Variants in TRIM44 observed in about 807,000 individuals in gnomAD.
TRIM44 encodes tripartite motif-containing protein 44.
TRIM44 carries 13 observed loss-of-function variants against 37.4 expected under a neutral mutation model. The ratio of observed to expected loss-of-function variants is 0.35; its 90% CI spans 0.23 to 0.55. TRIM44 has a LOEUF of 0.55. TRIM44 is among the 20% of genes least tolerant of loss of function. The pLI is 0.89. For missense variants in TRIM44, 426 were observed against 437.2 expected (o/e 0.97, Z 0.23); for synonymous variants, 175 against 157.2 (o/e 1.11, Z -0.85).
At position 35,730,248 on chromosome 11, in the gene TRIM44, G is replaced by A. The variant is rs142536453; in HGVS notation, c.987+4085G>A. Reference sequence around the variant, plus strand: ...CACTGGATGGGCTTAATGGCAAACCGAAAGAAAGATTTGGTGAATTTGAAG... The same window carrying A: ...CACTGGATGGGCTTAATGGCAAACCAAAAGAAAGATTTGGTGAATTTGAAG... On this transcript the variant is annotated intron_variant, in intron 3 of 4. Coordinates refer to ENST00000299413, the MANE Select transcript of TRIM44 (RefSeq NM_017583.6). 1.9e-3 allele frequency among the ~76,000 whole-genome samples: 286 copies of A among 152,204 alleles called. 2 individuals carry two copies. Among genetic ancestry groups the A allele is most frequent in the African/African-American group, 6.5e-3 (268 of 41,536 alleles).
At position 35,735,528 on chromosome 11, in the gene TRIM44, A is replaced by G. The variant is rs1180143203; in HGVS notation, c.1007+83A>G. The stretch of plus-strand genomic sequence containing the variant: ...CCTTTTAGTGCTCCATGAAATATAG[A>G]CAGCCAAGGAACAGCACAGAAAAGG... On this transcript the variant is annotated intron_variant, in intron 4 of 4. Coordinates refer to ENST00000299413, the MANE Select transcript of TRIM44 (RefSeq NM_017583.6). 13 of 1,377,748 alleles carry G rather than the reference A, an allele frequency of 9.4e-6. No individual in the cohort carries two copies. In the East Asian group the frequency reaches 1.1e-4, roughly 12 times the overall value. 85.3% of individuals were successfully genotyped at this position (1,377,748 alleles called of 1,614,324 possible).
intron 3 of TRIM44, among the ~76,000 whole-genome samples, chr11:35,734,074 T>C (rs1247241808): frequency 1.3e-5 from 2 of 152,350 alleles, no homozygotes; most frequent in Non-Finnish European, 2.9e-5. Context: ...TCTTTGATAT[T>C]GATCATAACA....
At chr11:35,790,675 G>A (rs1304684061) in intron 4 of TRIM44, among the ~76,000 whole-genome samples, 3 of 152,164 alleles carry the variant, frequency 2.0e-5, no homozygotes, top group Non-Finnish European at 4.4e-5. Flanking sequence ...AATTGATGTG[G>A]TGTTCATCTC....
chr11:35,751,225 C>A (rs980561060), intron 4 of TRIM44, among the ~76,000 whole-genome samples: 1 of 152,130 alleles, frequency 6.6e-6, no homozygotes, highest in Non-Finnish European at 1.5e-5. Flanking sequence ...TAAAGTGGGC[C>A]AATCCTTCTA....
At chr11:35,663,929 T>C in intron 1 of TRIM44, 149 bp downstream of exon 1, 1 of 905,540 alleles carries the variant, frequency 1.1e-6, no homozygotes, top group South Asian at 1.8e-5. Flanking sequence ...ATTCACCGTT[T>C]TTGGTTGAAC....
chr11:35,797,165 A>G (rs141073131), intron 4 of TRIM44, among the ~76,000 whole-genome samples: 2 of 152,336 alleles, frequency 1.3e-5, no homozygotes, highest in African/African-American at 4.8e-5. Flanking sequence ...ACCGTTATTG[A>G]TGGGGATATG....
intron 4 of TRIM44, among the ~76,000 whole-genome samples, chr11:35,790,905 G>A (rs1853201034): frequency 6.6e-6 from 1 of 152,200 alleles, no homozygotes; most frequent in Non-Finnish European, 1.5e-5. Context: ...AAGGAACAAG[G>A]CAGTAGGAGA....
At chr11:35,797,491 C>T (rs980989189) in intron 4 of TRIM44, among the ~76,000 whole-genome samples, 14 of 152,156 alleles carry the variant, frequency 9.2e-5, no homozygotes, top group Admixed American at 6.5e-4. Context: ...AGTAGCCATA[C>T]CATAGAAAAA....
At chr11:35,783,094 C>G (rs1012301051) in intron 4 of TRIM44, among the ~76,000 whole-genome samples, 6 of 152,090 alleles carry the variant, frequency 3.9e-5, no homozygotes, top group African/African-American at 1.4e-4. Flanking sequence ...TACATATGTT[C>G]TCTCATTTCC....
chr11:35,696,833 G>A (rs1851705987), intron 2 of TRIM44, among the ~76,000 whole-genome samples: 1 of 144,690 alleles, frequency 6.9e-6, no homozygotes, highest in South Asian at 2.1e-4. Context: ...AGCAACAAGA[G>A]TGAAACTCTG....
At chr11:35,796,342 ATATT>A (rs1173425206) in intron 4 of TRIM44, among the ~76,000 whole-genome samples, 1 of 152,230 alleles carries the variant, frequency 6.6e-6, no homozygotes, top group Non-Finnish European at 1.5e-5. Flanking sequence ...AGTGTCAAGT[ATATT>A]TATTTATTGA....
At chr11:35,753,811 C>A (rs1183230173) in intron 4 of TRIM44, among the ~76,000 whole-genome samples, 1 of 151,876 alleles carries the variant, frequency 6.6e-6, no homozygotes, top group East Asian at 1.9e-4. Flanking sequence ...TCAGTGCAAT[C>A]TCCGCCTCCT....
intron 2 of TRIM44, among the ~76,000 whole-genome samples, chr11:35,719,951 A>G (rs1424626551): frequency 6.6e-6 from 1 of 152,166 alleles, no homozygotes; most frequent in African/African-American, 2.4e-5. Flanking sequence ...ACAGCTTTAT[A>G]GTAAGACTTG....
intron 4 of TRIM44, among the ~76,000 whole-genome samples, chr11:35,747,563 T>A (rs964893372): frequency 2.6e-5 from 4 of 152,344 alleles, no homozygotes; most frequent in Non-Finnish European, 5.9e-5. Flanking sequence ...GATGGAATTA[T>A]GACAAGCCAA....
At chr11:35,675,641 C>A (rs1337324456) in intron 1 of TRIM44, among the ~76,000 whole-genome samples, 1 of 152,146 alleles carries the variant, frequency 6.6e-6, no homozygotes, top group Non-Finnish European at 1.5e-5. Flanking sequence ...CCTGCCTCAG[C>A]CTCCCAAGTG....
chr11:35,727,352 T>C (rs920089850), intron 3 of TRIM44, among the ~76,000 whole-genome samples: 1 of 152,154 alleles, frequency 6.6e-6, no homozygotes, highest in African/African-American at 2.4e-5. Context: ...CATCCTTAAC[T>C]GGACGTCCTG....
rs186787874 is a variant in TRIM44, at chr11:35,699,116, A to T, written c.747+13780A>T. 1.0e-4 allele frequency among the ~76,000 whole-genome samples: 15 copies of T among 147,358 alleles called. 1 individual carries two copies. In the East Asian group the frequency reaches 2.9e-3, roughly 29 times the overall value. ...TTGTAGATTAGCGGCATTATTTCTG[A>T]GGGTTCTGTTCTGTTCCATTGGTCT... On this transcript the variant is annotated intron_variant, in intron 2 of 4. Coordinates refer to ENST00000299413, the MANE Select transcript of TRIM44 (RefSeq NM_017583.6).
At position 35,806,452 on chromosome 11, in the gene TRIM44, G is replaced by A. The variant is rs942421460; in HGVS notation, c.*67G>A. On this transcript the variant is annotated 3_prime_UTR_variant, in exon 5 of 5. Coordinates refer to ENST00000299413, the MANE Select transcript of TRIM44 (RefSeq NM_017583.6). ...GTGTATGTGACAGCGTGTATGTAACGGCTTCTGATTTCTGTGAAAGCTGCT... is the reference window on the plus strand; with the variant it reads ...GTGTATGTGACAGCGTGTATGTAACAGCTTCTGATTTCTGTGAAAGCTGCT... 4.8e-5 allele frequency: 75 copies of A among 1,557,184 alleles called. 1 individual carries two copies. The highest frequency in any genetic ancestry group is 6.7e-5 in the East Asian group (3 of 44,570).
intron 2 of TRIM44, among the ~76,000 whole-genome samples, chr11:35,693,498 A>G (rs1336826694): frequency 1.3e-5 from 2 of 152,056 alleles, no homozygotes; most frequent in African/African-American, 4.8e-5. Context: ...CAGGAGAAAA[A>G]CAAAACCCGG....
Sources: gnomAD v4.1 joint callset for allele counts (sites outside exome capture counted in the v4.1 genomes callset) on GRCh38, gnomAD v4.1.1 for gene constraint, MANE v1.5 for transcripts, NCBI Gene and HGNC (gene_info 2026-07-23, HGNC 2026-07-21) for gene names.